The following ZNF469 variants were observed in gnomAD, a reference collection of about 807,000 sequenced individuals.
ZNF469 encodes the protein zinc finger protein 469.
In ZNF469, 1 loss-of-function variant was observed where a neutral mutation model predicts 1.0. That is an observed-to-expected ratio of 1.00 (90% CI 0.35 to 4.73). The LOEUF is 4.73. Ranked by LOEUF, ZNF469 falls within the 30% of genes most tolerant of loss-of-function variation. The pLI, the probability that ZNF469 is intolerant of heterozygous loss-of-function variation, is 0.16. For missense variants in ZNF469, 6,100 were observed against 5,356.3 expected (o/e 1.14, Z -4.33); for synonymous variants, 2,703 against 2,363.4 (o/e 1.14, Z -4.17).
chr16:88,437,726 C>G lies in ZNF469; in HGVS notation c.10256C>G (p.Ala3419Gly). The G allele has an allele frequency of 6.5e-7, 1 of 1,549,850 alleles. No individual in the cohort carries two copies. The highest frequency in any genetic ancestry group is 1.2e-5 in the South Asian group (1 of 84,064). ...ATGCGCATCATCAAGAAGTCCTTCG[C>G]CTGCAGCTCCTGCAACTACACCTTC... is the stretch of plus-strand genomic sequence containing the variant. ...TVMRIIKKSF[A>G]CSSCNYTFAK... is the part of the protein sequence containing the mutation. The change falls in exon 3 of 3, where the codon GCC (alanine) becomes GGC (glycine). Residue 3419 changes from alanine (A) to glycine (G), a missense_variant. Coordinates refer to ENST00000565624, the MANE Select transcript of ZNF469 (RefSeq NM_001367624.2).
the ZNF469 span, among the ~76,000 whole-genome samples, chr16:88,119,683 G>C: frequency 6.6e-6 from 1 of 152,096 alleles, no homozygotes; most frequent in African/African-American, 2.4e-5. Flanking sequence ...GATGCTGGCC[G>C]GCCCAGCTCT....
At chr16:88,403,709 A>G (rs1271186172) in intron 1 of ZNF469, among the ~76,000 whole-genome samples, 1 of 152,204 alleles carries the variant, frequency 6.6e-6, no homozygotes, top group Non-Finnish European at 1.5e-5. Context: ...TGCAATTGTT[A>G]CAAACTTATA....
the ZNF469 span, among the ~76,000 whole-genome samples, chr16:88,229,638 T>TGTGGATGTAAC: frequency 7.5e-6 from 1 of 133,074 alleles, no homozygotes; most frequent in Non-Finnish European, 1.6e-5. Flanking sequence ...GGATGTCACG[T>TGTGGATGTAAC]GTGTGTGCTG....
the ZNF469 span, among the ~76,000 whole-genome samples, chr16:88,235,911 C>G: frequency 5.9e-5 from 9 of 152,324 alleles, no homozygotes; most frequent in Non-Finnish European, 1.3e-4. Flanking sequence ...TGCGTTGGCT[C>G]TGCCCAGAAA....
At chr16:88,401,571 ATACATGGG>A (rs1444243758) in intron 1 of ZNF469, among the ~76,000 whole-genome samples, 5 of 68,846 alleles carry the variant, frequency 7.3e-5, no homozygotes, top group Admixed American at 2.6e-4. Context: ...GGATGGATGG[ATACATGGG>A]TGGATGAATA....
chr16:88,128,779 T>C, the ZNF469 span, among the ~76,000 whole-genome samples: 1 of 152,228 alleles, frequency 6.6e-6, no homozygotes, highest in Non-Finnish European at 1.5e-5. Context: ...TCTGCTAAGC[T>C]TCCTGGGATA....
At chr16:88,304,844 A>C in the ZNF469 span, among the ~76,000 whole-genome samples, 1 of 152,266 alleles carries the variant, frequency 6.6e-6, no homozygotes, top group Non-Finnish European at 1.5e-5. Context: ...AAAGCAAGGG[A>C]CCCAGGTGCT....
At chr16:88,200,260 G>C in the ZNF469 span, among the ~76,000 whole-genome samples, 1 of 152,232 alleles carries the variant, frequency 6.6e-6, no homozygotes, top group Non-Finnish European at 1.5e-5. Context: ...GGGAAACGGA[G>C]AAAGGGCTAG....
chr16:88,389,588 C>T (rs919327942), intron 1 of ZNF469, among the ~76,000 whole-genome samples: 9 of 152,334 alleles, frequency 5.9e-5, no homozygotes, highest in Admixed American at 2.6e-4. Flanking sequence ...TCTTTCCCAC[C>T]GTTCCGCTCC....
At chr16:88,186,820 G>A in the ZNF469 span, among the ~76,000 whole-genome samples, 4 of 152,178 alleles carry the variant, frequency 2.6e-5, no homozygotes, top group African/African-American at 7.2e-5. Context: ...CTGGCGGGGC[G>A]GGGGGATGCG....
chr16:88,298,712 C>G, the ZNF469 span, among the ~76,000 whole-genome samples: 5 of 152,140 alleles, frequency 3.3e-5, no homozygotes, highest in Admixed American at 3.3e-4. Context: ...ACCTTCCTCT[C>G]CCCACTCCTC....
Position 88,432,121 on chromosome 16 carries a change from G to C in ZNF469, c.4651G>C (p.Val1551Leu). 4.5e-6 allele frequency: 7 copies of C among 1,550,418 alleles called. No homozygotes were observed. Among genetic ancestry groups the C allele is most frequent in the Non-Finnish European group, 6.1e-6 (7 of 1,146,992 alleles). ...SLPGKGSGCS[V>L]ALMSHLSEDE... is the part of the protein sequence containing the mutation. ...GCCTGGGAAGGGGAGTGGATGTAGCGTTGCTCTTATGAGTCACCTGTCCGA... is the reference window on the plus strand; with the variant it reads ...GCCTGGGAAGGGGAGTGGATGTAGCCTTGCTCTTATGAGTCACCTGTCCGA... Residue 1551 changes from valine (V) to leucine (L), a missense_variant, in exon 3 of 3, where the codon GTT (valine) becomes CTT (leucine). Val to Leu is a conservative substitution (Grantham distance 32). Transcript: ENST00000565624.
chr16:88,253,441 T>C, the ZNF469 span, among the ~76,000 whole-genome samples: 10 of 151,618 alleles, frequency 6.6e-5, no homozygotes, highest in African/African-American at 2.4e-4. Context: ...AGTTCCCTGA[T>C]GACTGATGAT....
chr16:88,303,195 G>A, the ZNF469 span, among the ~76,000 whole-genome samples: 13 of 152,142 alleles, frequency 8.5e-5, no homozygotes, highest in South Asian at 2.1e-4. Context: ...TGTCATTGTC[G>A]GAGCAATCCA....
the ZNF469 span, among the ~76,000 whole-genome samples, chr16:88,144,380 T>A: frequency 1.3e-5 from 2 of 152,314 alleles, no homozygotes; most frequent in Admixed American, 1.3e-4. Context: ...AGCTGTCTCA[T>A]GTCCTTTCAG....
At chr16:88,294,951 G>A in the ZNF469 span, 1 of 166,708 alleles carries the variant, frequency 6.0e-6, no homozygotes, top group African/African-American at 2.4e-5. Flanking sequence ...GAGCCCTCAG[G>A]ACGTGGCAGG....
chr16:88,399,223 C>T (rs968661446), intron 1 of ZNF469, among the ~76,000 whole-genome samples: 1 of 152,218 alleles, frequency 6.6e-6, no homozygotes. Flanking sequence ...GCCTGGGCCC[C>T]TCCCTCCCCT....
the ZNF469 span, among the ~76,000 whole-genome samples, chr16:88,330,779 A>G: frequency 4.1e-4 from 63 of 152,152 alleles, 1 homozygote; most frequent in Admixed American, 4.1e-3. Flanking sequence ...CCACTGCCGC[A>G]TGCTACCTGT....
the ZNF469 span, among the ~76,000 whole-genome samples, chr16:88,153,047 C>T: frequency 2.0e-5 from 3 of 152,258 alleles, no homozygotes; most frequent in Admixed American, 6.5e-5. Context: ...GGGGGTGGCG[C>T]GAGGGTTCCC....
Sources: gnomAD v4.1 joint callset for allele counts (sites outside exome capture counted in the v4.1 genomes callset) on GRCh38, gnomAD v4.1.1 for gene constraint, MANE v1.5 for transcripts, NCBI Gene and HGNC (gene_info 2026-07-23, HGNC 2026-07-21) for gene names.